HLCS: variants seen among roughly 807,000 people sequenced by gnomAD.
HLCS encodes biotin--protein ligase.
A neutral mutation model predicts 75.0 loss-of-function variants in HLCS; 53 were observed. That is an observed-to-expected ratio of 0.71 (90% CI 0.57 to 0.89). The LOEUF (loss-of-function observed/expected upper bound fraction) is 0.89. HLCS is among the 40% of genes least tolerant of loss of function. HLCS has a pLI of 0.00. For missense variants in HLCS, 966 were observed against 1,074.0 expected (o/e 0.90, Z 1.41); for synonymous variants, 431 against 428.6 (o/e 1.01, Z -0.07).
At position 36,767,204 on chromosome 21, in the gene HLCS, A is replaced by T; in HGVS notation, c.1960+14T>A. The T allele has an allele frequency of 6.2e-7, 1 of 1,613,702 alleles. No homozygotes were observed. Among genetic ancestry groups the T allele is most frequent in the Non-Finnish European group, 8.5e-7 (1 of 1,179,552 alleles). The stretch of plus-strand genomic sequence containing the variant: ...AAACAGAAGTAACAGCAATGATCAC[A>T]AAAGATGACTGACCTTTGCCCTCGG... On this transcript the variant is annotated intron_variant, in intron 7 of 10. Coordinates refer to ENST00000674895, the MANE Select transcript of HLCS (RefSeq NM_001352514.2).
In HLCS at chr21:36,767,113, A is replaced by G. The variant is rs2090065317; in HGVS notation, c.1960+105T>C. ...TATGAAAACAGAATCTACTAACTTGAGTCCCCCAGATGATCAGCACACACA... is the reference window on the plus strand; with the variant it reads ...TATGAAAACAGAATCTACTAACTTGGGTCCCCCAGATGATCAGCACACACA... On this transcript the variant is annotated intron_variant, in intron 7 of 10. Coordinates refer to ENST00000674895, the MANE Select transcript of HLCS (RefSeq NM_001352514.2). 4 of 1,077,344 alleles carry G rather than the reference A, an allele frequency of 3.7e-6. No homozygotes were observed. The South Asian group carries it at 5.0e-5, about 14-fold the overall frequency. 66.7% of individuals were successfully genotyped at this position (1,077,344 alleles called of 1,614,324 possible). A position where few individuals can be genotyped will look rare whatever the true frequency, so the allele number is the denominator to read the frequency against.
intron 6 of HLCS, among the ~76,000 whole-genome samples, chr21:36,854,337 C>T (rs1220615243): frequency 1.3e-5 from 2 of 152,270 alleles, no homozygotes; most frequent in East Asian, 3.9e-4. Context: ...ACCACAGGAA[C>T]AAAAGCTCCC....
intron 8 of HLCS, among the ~76,000 whole-genome samples, chr21:36,760,738 G>C (rs999352759): frequency 2.6e-5 from 4 of 152,154 alleles, no homozygotes; most frequent in African/African-American, 9.7e-5. Context: ...TTGCCTCTGC[G>C]TCTTGAATGG....
At chr21:36,836,203 T>C (rs571876603) in intron 6 of HLCS, among the ~76,000 whole-genome samples, 3 of 152,090 alleles carry the variant, frequency 2.0e-5, no homozygotes, top group East Asian at 3.9e-4. Context: ...TAAGGGCCGA[T>C]GTCCTTCCAC....
At chr21:36,829,027 T>C (rs1210767792) in intron 6 of HLCS, among the ~76,000 whole-genome samples, 1 of 152,238 alleles carries the variant, frequency 6.6e-6, no homozygotes, top group Non-Finnish European at 1.5e-5. Flanking sequence ...ATGCAGCTTG[T>C]TTTATTTAAC....
chr21:36,970,230 T>C (rs891031300), upstream of HLCS, among the ~76,000 whole-genome samples: 5 of 152,276 alleles, frequency 3.3e-5, no homozygotes, highest in African/African-American at 9.6e-5. Flanking sequence ...CTGAGAAGGA[T>C]AGCTTGTTTT....
chr21:36,791,535 G>A (rs187420656), intron 6 of HLCS, among the ~76,000 whole-genome samples: 2 of 152,354 alleles, frequency 1.3e-5, no homozygotes, highest in Admixed American at 6.5e-5. Context: ...CCTCCTGGGA[G>A]GAAGCAGTTT....
intron 6 of HLCS, among the ~76,000 whole-genome samples, chr21:36,780,906 T>C (rs2145835594): frequency 6.6e-6 from 1 of 152,146 alleles, no homozygotes; most frequent in Non-Finnish European, 1.5e-5. Flanking sequence ...TTCTTATATA[T>C]TAGGGCAGAG....
chr21:36,787,158 C>A (rs76718449), intron 6 of HLCS, among the ~76,000 whole-genome samples: 1 of 152,252 alleles, frequency 6.6e-6, no homozygotes, highest in Non-Finnish European at 1.5e-5. Flanking sequence ...CCAGGCCACG[C>A]GTGAGCATGG....
intron 6 of HLCS, among the ~76,000 whole-genome samples, chr21:36,875,267 C>T (rs2063923824): frequency 6.6e-6 from 1 of 152,162 alleles, no homozygotes; most frequent in African/African-American, 2.4e-5. Context: ...TCCAGGCTGC[C>T]AGTTCCAGGT....
intron 2 of HLCS, among the ~76,000 whole-genome samples, chr21:36,948,989 A>G (rs926330832): frequency 6.6e-6 from 1 of 152,166 alleles, no homozygotes; most frequent in African/African-American, 2.4e-5. Context: ...GCCACACAGA[A>G]GAATGTTATT....
intron 1 of HLCS, among the ~76,000 whole-genome samples, chr21:36,985,375 G>C (rs1227167523): frequency 6.6e-6 from 1 of 152,238 alleles, no homozygotes; most frequent in Non-Finnish European, 1.5e-5. Flanking sequence ...GCTCACGCCT[G>C]TAATCCCAGC....
chr21:36,771,247 T>TATAAA (rs879657249), intron 6 of HLCS, among the ~76,000 whole-genome samples: 1 of 150,428 alleles, frequency 6.6e-6, no homozygotes, highest in Non-Finnish European at 1.5e-5. Flanking sequence ...AATAAATAAA[T>TATAAA]ATAAAATAAA....
At chr21:36,962,827 C>A (rs1473055422) in intron 1 of HLCS, among the ~76,000 whole-genome samples, 1 of 148,336 alleles carries the variant, frequency 6.7e-6, no homozygotes, top group Non-Finnish European at 1.5e-5. Context: ...ATGAGGAGGC[C>A]TAGAAGTACG....
chr21:36,822,449 T>C (rs1187491959), intron 6 of HLCS, among the ~76,000 whole-genome samples: 1 of 152,094 alleles, frequency 6.6e-6, no homozygotes, highest in African/African-American at 2.4e-5. Context: ...AAAAAAAGCA[T>C]CAATCCTCTA....
intron 6 of HLCS, among the ~76,000 whole-genome samples, chr21:36,868,008 C>G (rs2063617905): frequency 6.6e-6 from 1 of 151,982 alleles, no homozygotes; most frequent in African/African-American, 2.4e-5. Context: ...AAAAATTAGC[C>G]AGGTGTGGTG....
chr21:36,851,629 A>G (rs938716872), intron 6 of HLCS, among the ~76,000 whole-genome samples: 4 of 152,244 alleles, frequency 2.6e-5, no homozygotes, highest in African/African-American at 4.8e-5. Flanking sequence ...GGGTGACTAC[A>G]GTAAAAAATA....
At chr21:36,932,453 C>T (rs1311826330) in intron 4 of HLCS, among the ~76,000 whole-genome samples, 1 of 152,200 alleles carries the variant, frequency 6.6e-6, no homozygotes, top group Admixed American at 6.5e-5. Flanking sequence ...CCTCCTTCCC[C>T]TGATTGAATT....
At chr21:36,894,992 G>A (rs778717004) in intron 6 of HLCS, among the ~76,000 whole-genome samples, 2 of 152,080 alleles carry the variant, frequency 1.3e-5, no homozygotes. Flanking sequence ...GGATGTGCGG[G>A]AGCCTCAGCC....
Sources: allele counts gnomAD v4.1 joint callset (sites outside exome capture counted in the v4.1 genomes callset), GRCh38; gene constraint gnomAD v4.1.1; transcripts MANE v1.5; gene names NCBI Gene and HGNC (gene_info 2026-07-23, HGNC 2026-07-21).